Variants in NRG1 observed in about 807,000 individuals in gnomAD.
The protein encoded by NRG1 is pro-neuregulin-1, membrane-bound isoform.
NRG1 carries 18 observed loss-of-function variants against 63.8 expected under a neutral mutation model. The ratio of observed to expected loss-of-function variants is 0.28; its 90% confidence interval spans 0.19 to 0.42. NRG1 has a LOEUF of 0.42. NRG1 is among the 10% of genes least tolerant of loss of function. NRG1 has a pLI of 1.00. For synonymous variants in NRG1, 302 were observed against 301.3 expected, an observed-to-expected ratio of 1.00 and a Z score of -0.02; for missense variants, 762 against 814.7, an observed-to-expected ratio of 0.94 and a Z score of 0.79.
At position 31,814,319 on chromosome 8, in the gene NRG1, G is replaced by A. The variant is rs188209170; in HGVS notation, c.37+174888G>A. Among the ~76,000 whole-genome samples, 271 of 152,296 alleles carry A rather than the reference G, an allele frequency of 1.8e-3. 1 individual carries two copies. The highest frequency in any genetic ancestry group is 6.1e-3 in the African/African-American group (252 of 41,576). On this transcript the variant is annotated intron_variant, in intron 1 of 10. Transcript: ENST00000519301. ...TCCAGTGGGCATCGTGGGTCAGTTA[G>A]TTCTCCAGCCCCGGTTCCTTTTCTG...
intron 1 of NRG1, among the ~76,000 whole-genome samples, chr8:32,523,637 G>A (rs959382055): frequency 9.9e-5 from 15 of 151,322 alleles, no homozygotes; most frequent in Non-Finnish European, 1.6e-4. Context: ...ATTGCTTGAG[G>A]TCAGGAGTTC....
At chr8:32,443,984 C>T (rs906247071) in intron 1 of NRG1, among the ~76,000 whole-genome samples, 2 of 151,660 alleles carry the variant, frequency 1.3e-5, no homozygotes, top group African/African-American at 4.8e-5. Flanking sequence ...TTCCTCCCTT[C>T]CCTTCTTTCC....
chr8:32,233,143 C>G (rs1395809124), intron 1 of NRG1, among the ~76,000 whole-genome samples: 1 of 151,942 alleles, frequency 6.6e-6, no homozygotes, highest in African/African-American at 2.4e-5. Context: ...ACTCTGTTGC[C>G]CATGCTGGAG....
chr8:32,464,342 G>A (rs1822785442), intron 1 of NRG1, among the ~76,000 whole-genome samples: 1 of 132,364 alleles, frequency 7.6e-6, no homozygotes, highest in Non-Finnish European at 1.5e-5. Flanking sequence ...GGAAACTGAG[G>A]ATAGGGATTT....
intron 1 of NRG1, among the ~76,000 whole-genome samples, chr8:31,749,719 CTGAAGG>C (rs1816253526): frequency 7.5e-6 from 1 of 133,522 alleles, no homozygotes; most frequent in Admixed American, 8.2e-5. Flanking sequence ...CAAGGATACA[CTGAAGG>C]TGATATATAT....
At chr8:32,629,026 G>A (rs566162575) in intron 5 of NRG1, among the ~76,000 whole-genome samples, 8 of 152,136 alleles carry the variant, frequency 5.3e-5, no homozygotes, top group East Asian at 1.9e-4. Flanking sequence ...GAACCACCAC[G>A]CCCAGCCCCT....
intron 1 of NRG1, among the ~76,000 whole-genome samples, chr8:32,249,517 G>A (rs16879026): frequency 2.0e-5 from 3 of 152,062 alleles, no homozygotes; most frequent in South Asian, 2.1e-4. Flanking sequence ...ATTCTCTGTT[G>A]TCTTTCACCC....
chr8:32,646,889 G>A (rs1046447479), intron 5 of NRG1: 3 of 984,964 alleles, frequency 3.0e-6, no homozygotes, highest in East Asian at 1.1e-4. Context: ...AGCGGGGAGT[G>A]GGGGTTGGGA....
At chr8:32,021,037 C>T (rs1237833580) in intron 1 of NRG1, among the ~76,000 whole-genome samples, 2 of 152,164 alleles carry the variant, frequency 1.3e-5, no homozygotes, top group Admixed American at 1.3e-4. Flanking sequence ...AAGTCCATTA[C>T]TATTTTCAAA....
rs549179827 is a variant in NRG1, at chr8:32,401,871, C to A, written c.38-193957C>A. On this transcript the variant is annotated intron_variant, in intron 1 of 10. Transcript: ENST00000519301. ...CCTGTATAACAAACCTGCATATGTACCCCTGAACCTAAAATAAAAGTTGTT... is the reference window on the plus strand; with the variant it reads ...CCTGTATAACAAACCTGCATATGTAACCCTGAACCTAAAATAAAAGTTGTT... 3.3e-5 allele frequency among the ~76,000 whole-genome samples: 5 copies of A among 152,212 alleles called. 1 individual carries two copies. The highest frequency in any genetic ancestry group is 3.3e-4 in the Admixed American group (5 of 15,276).
intron 1 of NRG1, among the ~76,000 whole-genome samples, chr8:31,836,355 A>G (rs1825685884): frequency 6.6e-6 from 1 of 152,148 alleles, no homozygotes; most frequent in South Asian, 2.1e-4. Context: ...TAGGTCATAT[A>G]TTGACGTCTT....
chr8:31,912,471 A>G (rs1833026603), intron 1 of NRG1, among the ~76,000 whole-genome samples: 1 of 151,300 alleles, frequency 6.6e-6, no homozygotes, highest in African/African-American at 2.4e-5. Flanking sequence ...AGGGTGAGAG[A>G]GCATCCCCAG....
At chr8:32,033,091 ATTT>A (rs898802902) in intron 1 of NRG1, among the ~76,000 whole-genome samples, 3 of 111,602 alleles carry the variant, frequency 2.7e-5, no homozygotes, top group Non-Finnish European at 3.8e-5. Context: ...TGTGCAGTCT[ATTT>A]TTTTTTTTTT....
At chr8:32,244,729 A>T (rs186527948) in intron 1 of NRG1, among the ~76,000 whole-genome samples, 4 of 152,314 alleles carry the variant, frequency 2.6e-5, no homozygotes, top group Admixed American at 2.6e-4. Flanking sequence ...AGCAGGGTCT[A>T]AGAAATAGTC....
rs1015145128 is a variant in NRG1, at chr8:32,074,511, T to C, written c.37+435080T>C. On this transcript the variant is annotated intron_variant, in intron 1 of 10. Transcript: ENST00000519301. Reference sequence around the variant, plus strand: ...TGTTTGAATTTTCCTTTTGTCTTTCTGTAAATGGAACTGTGTTCTTGAAAG... The same window carrying C: ...TGTTTGAATTTTCCTTTTGTCTTTCCGTAAATGGAACTGTGTTCTTGAAAG... Among the ~76,000 whole-genome samples the C allele has an allele frequency of 1.7e-4, 26 of 152,348 alleles. 1 individual carries two copies. The highest frequency in any genetic ancestry group is 4.8e-4 in the African/African-American group (20 of 41,588).
At chr8:32,471,213 T>C (rs1353482213) in intron 1 of NRG1, among the ~76,000 whole-genome samples, 2 of 152,264 alleles carry the variant, frequency 1.3e-5, no homozygotes, top group African/African-American at 4.8e-5. Flanking sequence ...TCAATGGACT[T>C]ATCTTTGCTT....
intron 1 of NRG1, among the ~76,000 whole-genome samples, chr8:32,529,701 C>T (rs1205948748): frequency 6.6e-6 from 1 of 151,780 alleles, no homozygotes; most frequent in Non-Finnish European, 1.5e-5. Context: ...TACACAGGAT[C>T]AGGATAATCA....
At position 31,671,933 on chromosome 8, in the gene NRG1, G is replaced by A. The variant is rs566124901; in HGVS notation, c.37+32502G>A. 5.3e-5 allele frequency among the ~76,000 whole-genome samples: 8 copies of A among 152,182 alleles called. No individual in the cohort carries two copies. In the South Asian group the frequency reaches 1.7e-3, roughly 32 times the overall value. On this transcript the variant is annotated intron_variant, in intron 1 of 10. Coordinates refer to the NRG1 transcript ENST00000519301. ...AATCTATCAGCAATAAAAAAAGATA[G>A]CAATATAGAGATGAAAGAGGAAGAG...
chr8:32,631,767 G>A (rs1167888389), intron 5 of NRG1, among the ~76,000 whole-genome samples: 1 of 152,120 alleles, frequency 6.6e-6, no homozygotes, highest in Admixed American at 6.5e-5. Context: ...AATTCAACAT[G>A]GAAAGTTCTG....
Sources: gnomAD v4.1 joint callset for allele counts (sites outside exome capture counted in the v4.1 genomes callset) on GRCh38, gnomAD v4.1.1 for gene constraint, MANE v1.5 for transcripts, NCBI Gene and HGNC (gene_info 2026-07-23, HGNC 2026-07-21) for gene names.